UBAC1: variants seen among roughly 807,000 people sequenced by gnomAD.
UBAC1 encodes the protein ubiquitin-associated domain-containing protein 1.
Under a neutral mutation model 45.9 loss-of-function variants are expected in UBAC1, and 27 were observed. The ratio of observed to expected loss-of-function variants is 0.59; its 90% CI spans 0.43 to 0.81. UBAC1 has a LOEUF of 0.81. Ranked by LOEUF, UBAC1 falls within the 30% of genes least tolerant of loss-of-function variation. The pLI is 0.00. For missense variants in UBAC1, 529 were observed against 539.2 expected, an observed-to-expected ratio of 0.98 and a Z score of 0.19; for synonymous variants, 227 against 215.5, an observed-to-expected ratio of 1.05 and a Z score of -0.47.
At chr9:135,958,407 T>C (rs1255805063) in intron 1 of UBAC1, among the ~76,000 whole-genome samples, 4 of 152,130 alleles carry the variant, frequency 2.6e-5, no homozygotes, top group Admixed American at 6.5e-5. Flanking sequence ...CTCTGCCCCC[T>C]TCTCCACTCC....
At position 135,961,171 on chromosome 9, in the gene UBAC1, C is replaced by T. The variant is rs767494944; in HGVS notation, c.-9G>A. 6.5e-7 allele frequency: 1 copy of T among 1,538,004 alleles called. No individual in the cohort carries two copies. The highest frequency in any genetic ancestry group is 1.2e-5 in the South Asian group (1 of 83,946). Reference sequence around the variant, plus strand: ...TCCTCCTGCACGAACATCCCGCCGCCGCCGCAGGGGCCTGCGCCCGCCACC... The same window carrying T: ...TCCTCCTGCACGAACATCCCGCCGCTGCCGCAGGGGCCTGCGCCCGCCACC... On this transcript the variant is annotated 5_prime_UTR_variant, in exon 1 of 10. Coordinates refer to ENST00000371756, the MANE Select transcript of UBAC1 (RefSeq NM_016172.3).
intron 8 of UBAC1, among the ~76,000 whole-genome samples, chr9:135,938,780 G>A (rs888624301): frequency 8.7e-5 from 13 of 150,274 alleles, no homozygotes; most frequent in African/African-American, 2.9e-4. Flanking sequence ...TCTTGGAGGT[G>A]TGAGCCACGA....
intron 7 of UBAC1, among the ~76,000 whole-genome samples, chr9:135,941,538 A>G (rs1281862086): frequency 6.6e-6 from 1 of 152,238 alleles, no homozygotes; most frequent in African/African-American, 2.4e-5. Context: ...TCAAAGTCAT[A>G]CAGAATAGCC....
Position 135,939,613 on chromosome 9 carries a change from TACCACAGCCCACACTCACTC to T in UBAC1, c.963+40_963+59del, listed in dbSNP as rs1041443599. 381 of 1,484,076 alleles carry T rather than the reference TACCACAGCCCACACTCACTC, an allele frequency of 2.6e-4. 1 individual carries two copies. Among genetic ancestry groups the T allele is most frequent in the Admixed American group, 2.4e-4 (13 of 55,052 alleles). 91.9% of individuals were successfully genotyped at this position (1,484,076 alleles called of 1,614,324 possible). A position where few individuals can be genotyped will look rare whatever the true frequency, so the allele number is the denominator to read the frequency against. On this transcript the variant is annotated intron_variant, in intron 8 of 9. Transcript: ENST00000371756. ...ACACTCACTCACCACAGCCCACACT[TACCACAGCCCACACTCACTC>T]ACCACAGCCCACACTCACTCACCAC...
intron 3 of UBAC1, 83 bp from the exon 4 acceptor site, chr9:135,947,988 C>A (rs1358949482): frequency 7.7e-7 from 1 of 1,301,568 alleles, no homozygotes; most frequent in Non-Finnish European, 1.1e-6. Context: ...CGGAGCTCTG[C>A]CCAAGAAAGA....
At position 135,961,210 on chromosome 9, in the gene UBAC1, G is replaced by T; in HGVS notation, c.-48C>A. 6.9e-7 allele frequency: 1 copy of T among 1,454,404 alleles called. No individual in the cohort carries two copies. Among genetic ancestry groups the T allele is most frequent in the Non-Finnish European group, 9.0e-7 (1 of 1,111,664 alleles). 90.1% of individuals were successfully genotyped at this position (1,454,404 alleles called of 1,614,324 possible). A position where few individuals can be genotyped will look rare whatever the true frequency, so the allele number is the denominator to read the frequency against. The stretch of plus-strand genomic sequence containing the variant: ...GCGCCCGCCACCCGGGCCCCTGAAG[G>T]TCACCGGGAAGGCGGGCGGGGAGGG... On this transcript the variant is annotated 5_prime_UTR_variant, in exon 1 of 10. Transcript: ENST00000371756.
intron 1 of UBAC1, among the ~76,000 whole-genome samples, chr9:135,956,507 G>T (rs1487902398): frequency 6.6e-6 from 1 of 152,156 alleles, no homozygotes; most frequent in Admixed American, 6.5e-5. Flanking sequence ...GTGCCTGCAT[G>T]TTCGTGCCCA....
At chr9:135,960,755 G>A (rs1312753612) in intron 1 of UBAC1, among the ~76,000 whole-genome samples, 2 of 152,196 alleles carry the variant, frequency 1.3e-5, no homozygotes, top group African/African-American at 4.8e-5. Context: ...GGGCTCGGCC[G>A]GGCGGCTGGC....
chr9:135,950,158 G>C (rs1485367937), intron 3 of UBAC1, among the ~76,000 whole-genome samples: 1 of 152,200 alleles, frequency 6.6e-6, no homozygotes, highest in Non-Finnish European at 1.5e-5. Flanking sequence ...ATTTCAGCTC[G>C]AGACCCTGAG....
intron 1 of UBAC1, among the ~76,000 whole-genome samples, chr9:135,959,041 TC>T (rs2131096900): frequency 6.6e-6 from 1 of 152,318 alleles, no homozygotes; most frequent in Non-Finnish European, 1.5e-5. Context: ...TAACTGACCC[TC>T]CGTGCTCCTG....
chr9:135,938,430 G>C, intron 8 of UBAC1, 70 bp from the exon 9 acceptor site: 1 of 1,561,486 alleles, frequency 6.4e-7, no homozygotes, highest in Non-Finnish European at 8.6e-7. Flanking sequence ...ACCAGCAGCA[G>C]GCATGACAGC....
At chr9:135,941,257 G>A (rs1230513823) in intron 7 of UBAC1, among the ~76,000 whole-genome samples, 1 of 151,986 alleles carries the variant, frequency 6.6e-6, no homozygotes. Flanking sequence ...AATACAAAAA[G>A]TAGCTGGGCG....
intron 1 of UBAC1, 46 bp from the exon 2 acceptor site, chr9:135,955,461 A>G: frequency 6.7e-7 from 1 of 1,490,492 alleles, no homozygotes; most frequent in Non-Finnish European, 8.9e-7. Flanking sequence ...GTAAATCGTA[A>G]TTCTAATAAT....
chr9:135,939,699 C>G lies in UBAC1; in HGVS notation c.937G>C (p.Val313Leu), dbSNP rs771750430. 3.1e-6 allele frequency: 5 copies of G among 1,613,950 alleles called. No homozygotes were observed. In the African/African-American group the frequency reaches 6.7e-5, roughly 22 times the overall value. Reference sequence around the variant, plus strand: ...GCGGCATTCTGCTGGTTGTTGTTCACTCTGAGGGCATCTATCACCTCTTTC... The same window carrying G: ...GCGGCATTCTGCTGGTTGTTGTTCAGTCTGAGGGCATCTATCACCTCTTTC... ...DEKEVIDALRVNNNQQNAACE... is the reference protein window; with the variant it reads ...DEKEVIDALRLNNNQQNAACE... The change falls in exon 8 of 10, where the codon GTG becomes CTG. Residue 313 changes from valine (V) to leucine (L), a missense_variant. Val to Leu is a conservative substitution (Grantham distance 32). Coordinates refer to ENST00000371756, the MANE Select transcript of UBAC1 (RefSeq NM_016172.3).
intron 3 of UBAC1, among the ~76,000 whole-genome samples, chr9:135,948,231 G>C (rs2297688): frequency 0.16 from 25,067 of 152,228 alleles, 2,195 homozygotes; most frequent in East Asian, 0.27. Context: ...AACCACCCAG[G>C]CTGCAGCTGA....
intron 6 of UBAC1, 41 bp downstream of exon 6, chr9:135,945,848 C>A (rs760332249): frequency 6.4e-7 from 1 of 1,565,462 alleles, no homozygotes; most frequent in South Asian, 1.1e-5. Context: ...AACCAGGCCC[C>A]AGGTGTCTCC....
In UBAC1 at chr9:135,961,329, C is replaced by G. The variant is rs1222254425; in HGVS notation, c.-167G>C. On this transcript the variant is annotated 5_prime_UTR_variant, in exon 1 of 10. Coordinates refer to ENST00000371756, the MANE Select transcript of UBAC1 (RefSeq NM_016172.3). ...CCGCCGTCACTCTCCGCGGCCTCAG[C>G]GGTCGCCTCGCTCCCGCCGCCGCAG... 6 of 407,358 alleles carry G rather than the reference C, an allele frequency of 1.5e-5. No individual in the cohort carries two copies. The highest frequency in any genetic ancestry group is 2.0e-5 in the Non-Finnish European group (6 of 300,008). The allele number at this position is 407,358 out of a possible 1,614,324, so 25.2% of individuals were successfully genotyped here. A position where few individuals can be genotyped will look rare whatever the true frequency, so the allele number is the denominator to read the frequency against.
chr9:135,945,564 TCATTTTAGATCTGAACA>T, intron 6 of UBAC1: 1 of 501,348 alleles, frequency 2.0e-6, no homozygotes, highest in Non-Finnish European at 3.5e-6. Context: ...CTCGGATTAT[TCATTTTAGATCTGAACA>T]CAGAAGCAGG....
At chr9:135,944,834 G>A (rs972927966) in intron 7 of UBAC1, among the ~76,000 whole-genome samples, 194 bp downstream of exon 7, 2 of 152,236 alleles carry the variant, frequency 1.3e-5, no homozygotes, top group Admixed American at 1.3e-4. Flanking sequence ...TCGGGCCACG[G>A]TCCCCAGGCC....
Sources: allele counts gnomAD v4.1 joint callset (sites outside exome capture counted in the v4.1 genomes callset), GRCh38; gene constraint gnomAD v4.1.1; transcripts MANE v1.5; gene names NCBI Gene and HGNC (gene_info 2026-07-23, HGNC 2026-07-21).